EDA: variants seen among roughly 807,000 people sequenced by gnomAD.
EDA encodes the protein ectodysplasin A, also known as ectodysplasin-A.
A neutral mutation model predicts 23.6 loss-of-function variants in EDA; 2 were observed. The observed-to-expected ratio is 0.08, with a 90% CI of 0.03 to 0.27. The LOEUF (loss-of-function observed/expected upper bound fraction) is 0.27. Ranked by LOEUF, EDA falls within the 10% of genes least tolerant of loss-of-function variation. The pLI, the probability that EDA is intolerant of heterozygous loss-of-function variation, is 1.00. For missense variants in EDA, 229 were observed against 324.2 expected (o/e 0.71, Z 2.26); for synonymous variants, 131 against 132.0 (o/e 0.99, Z 0.05).
chrX:69,824,721 A>C (rs1354814858), intron 1 of EDA, among the ~76,000 whole-genome samples: 1 of 86,662 alleles, frequency 1.2e-5, no homozygotes, highest in Non-Finnish European at 2.2e-5. Context: ...CCTGGCCAGA[A>C]CTTCCAACAC....
intron 1 of EDA, among the ~76,000 whole-genome samples, chrX:69,942,850 T>G (rs868132907): frequency 1.7e-4 from 19 of 111,101 alleles, no homozygotes; most frequent in African/African-American, 6.2e-4. Flanking sequence ...GAGGCTATTT[T>G]CTAGATCTTA....
intron 1 of EDA, among the ~76,000 whole-genome samples, chrX:69,711,699 A>G (rs1300866255): frequency 5.4e-5 from 6 of 111,429 alleles, no homozygotes; most frequent in Non-Finnish European, 1.1e-4. Flanking sequence ...CAGAGATTCA[A>G]CTTCTTCCTG....
At chrX:69,715,398 A>G (rs2012286996) in intron 1 of EDA, among the ~76,000 whole-genome samples, 1 of 111,323 alleles carries the variant, frequency 9.0e-6, no homozygotes, top group South Asian at 3.8e-4. Flanking sequence ...AGCTCCATCC[A>G]TGTTCCTACA....
chrX:69,946,061 C>T (rs1427632491), intron 1 of EDA, among the ~76,000 whole-genome samples: 1 of 111,810 alleles, frequency 8.9e-6, no homozygotes, highest in African/African-American at 3.3e-5. Context: ...TTGCTGGTCT[C>T]GTGTTTTTCT....
intron 1 of EDA, among the ~76,000 whole-genome samples, chrX:69,700,402 A>T (rs761472254): frequency 8.9e-6 from 1 of 111,894 alleles, no homozygotes; most frequent in South Asian, 3.8e-4. Flanking sequence ...GGTTTAGAAC[A>T]GAAAAATGGG....
intron 1 of EDA, among the ~76,000 whole-genome samples, chrX:69,631,113 G>T (rs1254327060): frequency 2.7e-5 from 3 of 111,002 alleles, no homozygotes; most frequent in African/African-American, 9.8e-5. Context: ...AGGCACGGTG[G>T]CTCACACCTG....
chrX:69,747,310 A>T (rs767800179), intron 1 of EDA, among the ~76,000 whole-genome samples: 32 of 112,273 alleles, frequency 2.9e-4, no homozygotes, highest in African/African-American at 1.0e-3. Context: ...GAGAAACAGT[A>T]TTCAGATAGA....
intron 6 of EDA, among the ~76,000 whole-genome samples, chrX:70,030,721 C>T (rs1421766859): frequency 2.7e-5 from 3 of 112,372 alleles, no homozygotes; most frequent in Non-Finnish European, 5.6e-5. Flanking sequence ...ACCCAAATTG[C>T]TTTAGAATCA....
chrX:69,793,663 C>T (rs1010395719), intron 1 of EDA, among the ~76,000 whole-genome samples: 4 of 98,944 alleles, frequency 4.0e-5, no homozygotes, highest in Non-Finnish European at 2.0e-5. Flanking sequence ...GCCTGTTATG[C>T]TCTTTTCTCT....
chrX:69,727,527 A>T, intron 1 of EDA, among the ~76,000 whole-genome samples: 1 of 112,231 alleles, frequency 8.9e-6, no homozygotes, highest in Non-Finnish European at 1.9e-5. Flanking sequence ...GTCTCTTTAT[A>T]AGGGAACTAA....
chrX:69,900,845 T>C (rs1225365243), intron 1 of EDA, among the ~76,000 whole-genome samples: 1 of 111,359 alleles, frequency 9.0e-6, no homozygotes, highest in African/African-American at 3.3e-5. Flanking sequence ...AAAAAAACTT[T>C]AGCAAGAGTA....
chrX:69,978,885 T>G (rs762816061), intron 2 of EDA, among the ~76,000 whole-genome samples: 2 of 112,018 alleles, frequency 1.8e-5, no homozygotes, highest in Non-Finnish European at 3.8e-5. Flanking sequence ...CTTCATTCCT[T>G]TTTTATCATG....
At chrX:69,756,076 G>A (rs781577461) in intron 1 of EDA, among the ~76,000 whole-genome samples, 1 of 112,319 alleles carries the variant, frequency 8.9e-6, no homozygotes, top group Non-Finnish European at 1.9e-5. Flanking sequence ...GCCCCAGTGA[G>A]ATGAAGCGGG....
At chrX:69,932,441 G>A (rs73545316) in intron 1 of EDA, among the ~76,000 whole-genome samples, 156 of 111,861 alleles carry the variant, frequency 1.4e-3, no homozygotes, top group African/African-American at 4.8e-3. Context: ...GGTTATAAGA[G>A]AAAGGATATA....
intron 1 of EDA, among the ~76,000 whole-genome samples, chrX:69,837,156 A>G: frequency 9.0e-6 from 1 of 111,602 alleles, no homozygotes; most frequent in East Asian, 2.8e-4. Flanking sequence ...TATCTTCAGG[A>G]AGTTTGATAA....
In EDA at chrX:70,036,505, C is replaced by G. The variant is rs1274373110; in HGVS notation, c.*896C>G. 1 of 112,552 alleles carries G rather than the reference C, an allele frequency of 8.9e-6. No homozygotes were observed. Among genetic ancestry groups the G allele is most frequent in the East Asian group, 2.8e-4 (1 of 3,587 alleles). 9.3% of individuals were successfully genotyped at this position (112,552 alleles called of 1,213,427 possible). On this transcript the variant is annotated 3_prime_UTR_variant, in exon 8 of 8. Coordinates refer to ENST00000374552, the MANE Select transcript of EDA (RefSeq NM_001399.5). ...ACCTGGGACCTGTGGTCATGTGAGT[C>G]TGGGATATTCTTTAGCTTACCTGGG...
intron 1 of EDA, among the ~76,000 whole-genome samples, chrX:69,671,949 T>C (rs1241991594): frequency 2.7e-5 from 3 of 112,205 alleles, no homozygotes; most frequent in African/African-American, 9.7e-5. Context: ...TTTATTCTCC[T>C]AGTAGATTGA....
chrX:69,639,808 A>G (rs1273314767), intron 1 of EDA, among the ~76,000 whole-genome samples: 1 of 111,921 alleles, frequency 8.9e-6, no homozygotes, highest in Non-Finnish European at 1.9e-5. Context: ...TGCTTTTGGT[A>G]TCATATCAAG....
intron 1 of EDA, among the ~76,000 whole-genome samples, chrX:69,676,219 T>G (rs779652190): frequency 1.8e-5 from 2 of 111,514 alleles, no homozygotes; most frequent in South Asian, 7.6e-4. Flanking sequence ...TTACCTGATT[T>G]GACCTATTTT....
Sources: allele counts gnomAD v4.1 joint callset (sites outside exome capture counted in the v4.1 genomes callset), GRCh38; gene constraint gnomAD v4.1.1; transcripts MANE v1.5; gene names NCBI Gene and HGNC (gene_info 2026-07-23, HGNC 2026-07-21).